The following GPD1L variants were observed in gnomAD, a reference collection of about 807,000 sequenced individuals.
GPD1L encodes glycerol-3-phosphate dehydrogenase 1-like protein.
Under a neutral mutation model 32.9 loss-of-function variants are expected in GPD1L, and 17 were observed. The ratio of observed to expected loss-of-function variants is 0.52; its 90% CI spans 0.35 to 0.78. The LOEUF (loss-of-function observed/expected upper bound fraction) is 0.78, where lower values mean the gene tolerates loss of function less well. Among genes scored for constraint, GPD1L ranks in the 30% least tolerant of loss-of-function variants. The pLI is 0.01. For missense variants in GPD1L, 361 were observed against 447.8 expected (o/e 0.81, Z 1.75); for synonymous variants, 187 against 165.9 (o/e 1.13, Z -0.98).
chr3:32,128,110 G>A lies in GPD1L; in HGVS notation c.82G>A (p.Val28Ile). 6.2e-7 allele frequency: 1 copy of A among 1,613,254 alleles called. No homozygotes were observed. Among genetic ancestry groups the A allele is most frequent in the East Asian group, 2.2e-5 (1 of 44,870 alleles). ...TGTTGCAAAAATAATTGGTAATAAT[G>A]TCAAGAAACTTCAGAAATTTGCCTC... Reference protein sequence around the residue: ...SAVAKIIGNNVKKLQKFASTV... With the variant: ...SAVAKIIGNNIKKLQKFASTV... Residue 28 changes from valine (V) to isoleucine (I), a missense_variant, in exon 2 of 8, where the codon GTC becomes ATC. Val to Ile is a conservative substitution (Grantham distance 29, BLOSUM62 3). Transcript: ENST00000282541.
At chr3:32,139,907 A>G (rs866232486) in intron 3 of GPD1L, among the ~76,000 whole-genome samples, 1 of 152,184 alleles carries the variant, frequency 6.6e-6, no homozygotes, top group Admixed American at 6.5e-5. Flanking sequence ...AAAATAGTCA[A>G]GAAAAGCAAG....
rs1701152821 is a variant in GPD1L at position 32,166,758 on chromosome 3, A to T, written c.*848A>T. 1 of 152,468 alleles carries T rather than the reference A, an allele frequency of 6.6e-6. No individual in the cohort carries two copies. The highest frequency in any genetic ancestry group is 1.5e-5 in the Non-Finnish European group (1 of 68,178). 9.4% of individuals were successfully genotyped at this position (152,468 alleles called of 1,614,324 possible). A position where few individuals can be genotyped will look rare whatever the true frequency, so the allele number is the denominator to read the frequency against. On this transcript the variant is annotated 3_prime_UTR_variant, in exon 8 of 8. Transcript: ENST00000282541. ...TTAGATGCAGTCACTCCTCCTGGTC[A>T]CCTAGTGAGCAGGGACAGAGCCAGG...
chr3:32,121,075 C>G (rs765713805), intron 1 of GPD1L, among the ~76,000 whole-genome samples: 5 of 152,076 alleles, frequency 3.3e-5, no homozygotes, highest in Admixed American at 6.6e-5. Context: ...GTGCCTGACA[C>G]CTGGTACGCA....
chr3:32,151,050 G>A lies in GPD1L; in HGVS notation c.618+4316G>A, dbSNP rs185661755. 93 of 299,996 alleles carry A rather than the reference G, an allele frequency of 3.1e-4. No individual in the cohort carries two copies. In the East Asian group the frequency reaches 8.7e-3, roughly 28 times the overall value. The allele number at this position is 299,996 out of a possible 1,614,324, so 18.6% of individuals were successfully genotyped here. A position where few individuals can be genotyped will look rare whatever the true frequency, so the allele number is the denominator to read the frequency against. ...CCCAAAGTGCTGGGGTTACATGCGT[G>A]AGCCATCACACCCAGCCTATTTTTC... On this transcript the variant is annotated intron_variant, in intron 5 of 7. Transcript: ENST00000282541.
chr3:32,136,599 C>T (rs913504719), intron 2 of GPD1L, among the ~76,000 whole-genome samples: 1 of 152,128 alleles, frequency 6.6e-6, no homozygotes, highest in Non-Finnish European at 1.5e-5. Flanking sequence ...TTTGGGGAAT[C>T]CTTTGTGTGA....
At chr3:32,140,630 G>A (rs1700730502) in intron 4 of GPD1L, among the ~76,000 whole-genome samples, 1 of 152,144 alleles carries the variant, frequency 6.6e-6, no homozygotes, top group Non-Finnish European at 1.5e-5. Context: ...AATTACTGAG[G>A]TTAAACACAA....
intron 4 of GPD1L, among the ~76,000 whole-genome samples, chr3:32,140,727 T>G (rs1309427983): frequency 6.6e-6 from 1 of 152,172 alleles, no homozygotes; most frequent in African/African-American, 2.4e-5. Context: ...TTTCTTTTCT[T>G]ACAAATGTTA....
intron 1 of GPD1L, among the ~76,000 whole-genome samples, chr3:32,109,409 C>G (rs1700215644): frequency 6.6e-6 from 1 of 152,180 alleles, no homozygotes; most frequent in African/African-American, 2.4e-5. Flanking sequence ...GGCTGCCTGC[C>G]CGTGGCTTCT....
chr3:32,156,329 G>C (rs1302911658), intron 5 of GPD1L, among the ~76,000 whole-genome samples: 2 of 152,232 alleles, frequency 1.3e-5, no homozygotes, highest in African/African-American at 4.8e-5. Flanking sequence ...ACTTGGTCAG[G>C]CTGTCAGTTC....
intron 5 of GPD1L, among the ~76,000 whole-genome samples, chr3:32,149,351 A>G (rs770217086): frequency 4.6e-5 from 7 of 152,204 alleles, no homozygotes; most frequent in Middle Eastern, 3.2e-3. Context: ...ATGACCCACC[A>G]CATCCAGCCA....
chr3:32,135,959 A>G (rs1700655203), intron 2 of GPD1L, among the ~76,000 whole-genome samples: 1 of 152,188 alleles, frequency 6.6e-6, no homozygotes, highest in Non-Finnish European at 1.5e-5. Flanking sequence ...TGGATCTGCC[A>G]CTAACGGTGG....
rs1700831412 is a variant in GPD1L, at chr3:32,146,662, T to A, written c.546T>A (p.Leu182=). Reference sequence around the variant, plus strand: ...AGAACGGCCTTCTCTTCAAAGAACTTCTGCAGACTCCAAATTTTCGAATTA... The same window carrying A: ...AGAACGGCCTTCTCTTCAAAGAACTACTGCAGACTCCAAATTTTCGAATTA... ...VMENGLLFKE[L]LQTPNFRITV... The change falls in exon 5 of 8, where the codon CTT becomes CTA. Residue 182 remains leucine, a synonymous_variant. Coordinates refer to ENST00000282541, the MANE Select transcript of GPD1L (RefSeq NM_015141.4). 2.5e-6 allele frequency: 4 copies of A among 1,613,652 alleles called. No homozygotes were observed. The highest frequency in any genetic ancestry group is 3.4e-6 in the Non-Finnish European group (4 of 1,179,566).
intron 5 of GPD1L, among the ~76,000 whole-genome samples, chr3:32,156,443 AG>A (rs1201082072): frequency 6.6e-6 from 1 of 152,206 alleles, no homozygotes; most frequent in Non-Finnish European, 1.5e-5. Context: ...CAGCAACCGC[AG>A]TAAGCTCTCA....
intron 5 of GPD1L, among the ~76,000 whole-genome samples, chr3:32,149,948 C>CAAAA (rs34212680): frequency 7.5e-6 from 1 of 133,274 alleles, no homozygotes. Flanking sequence ...GACTCCGTCT[C>CAAAA]AAAAAAAAAA....
At chr3:32,144,891 A>T (rs930618177) in intron 4 of GPD1L, among the ~76,000 whole-genome samples, 1 of 151,668 alleles carries the variant, frequency 6.6e-6, no homozygotes, top group Non-Finnish European at 1.5e-5. Context: ...TTTTGTAGAG[A>T]TGGGATTTCG....
intron 1 of GPD1L, among the ~76,000 whole-genome samples, chr3:32,110,993 G>A (rs1700236749): frequency 6.6e-6 from 1 of 152,208 alleles, no homozygotes; most frequent in Admixed American, 6.5e-5. Context: ...CGCCTTCTGA[G>A]TAGCTGGGAT....
At chr3:32,159,708 A>C in intron 7 of GPD1L, 34 bp downstream of exon 7, 1 of 1,214,564 alleles carries the variant, frequency 8.2e-7, no homozygotes, top group Non-Finnish European at 1.2e-6. Flanking sequence ...GACCAGATAA[A>C]TGTCCATCAT....
chr3:32,121,064 A>T (rs1012353143), intron 1 of GPD1L, among the ~76,000 whole-genome samples: 2 of 152,096 alleles, frequency 1.3e-5, no homozygotes, highest in Non-Finnish European at 2.9e-5. Flanking sequence ...TATTTGAAAC[A>T]GTGCCTGACA....
At chr3:32,114,144 C>A (rs1276328226) in intron 1 of GPD1L, among the ~76,000 whole-genome samples, 1 of 152,236 alleles carries the variant, frequency 6.6e-6, no homozygotes, top group African/African-American at 2.4e-5. Context: ...CATGGGCCAC[C>A]ACACCCAGCC....
Sources: gnomAD v4.1 joint callset for allele counts (sites outside exome capture counted in the v4.1 genomes callset) on GRCh38, gnomAD v4.1.1 for gene constraint, MANE v1.5 for transcripts, NCBI Gene and HGNC (gene_info 2026-07-23, HGNC 2026-07-21) for gene names.